The following IFT46 variants were observed in gnomAD, a reference collection of about 807,000 sequenced individuals.
IFT46 encodes intraflagellar transport protein 46 homolog.
A neutral mutation model predicts 39.6 loss-of-function variants in IFT46; 19 were observed. The observed-to-expected ratio is 0.48, with a 90% confidence interval of 0.33 to 0.70. The LOEUF (loss-of-function observed/expected upper bound fraction) is 0.70, where lower values mean the gene tolerates loss of function less well. IFT46 is among the 30% of genes least tolerant of loss of function. IFT46 has a pLI of 0.01. For missense variants in IFT46, 334 were observed against 364.8 expected, an observed-to-expected ratio of 0.92 and a Z score of 0.69; for synonymous variants, 117 against 134.8, an observed-to-expected ratio of 0.87 and a Z score of 0.91.
intron 7 of IFT46, 86 bp from the exon 8 acceptor site, chr11:118,552,421 C>CATT: frequency 6.7e-7 from 1 of 1,497,968 alleles, no homozygotes; most frequent in Admixed American, 1.9e-5. Context: ...GCTGCTGTTT[C>CATT]ATATTCGAGC....
chr11:118,553,609 T>A (rs1555068892), intron 7 of IFT46, among the ~76,000 whole-genome samples: 1 of 152,180 alleles, frequency 6.6e-6, no homozygotes, highest in Non-Finnish European at 1.5e-5. Context: ...GTTCTTCAAA[T>A]GGCTAAACAT....
upstream of IFT46, among the ~76,000 whole-genome samples, chr11:118,570,666 A>G (rs1192011170): frequency 2.0e-5 from 3 of 152,216 alleles, no homozygotes; most frequent in African/African-American, 7.2e-5. Context: ...GCATACAAGA[A>G]ATAACATGAG....
intron 1 of IFT46, chr11:118,572,546 C>G: frequency 6.2e-7 from 1 of 1,611,366 alleles, no homozygotes; most frequent in South Asian, 1.1e-5. Flanking sequence ...ACCGCCCTCA[C>G]CATGGTAAGA....
chr11:118,575,826 T>C (rs1174194276), upstream of IFT46, among the ~76,000 whole-genome samples: 1 of 152,194 alleles, frequency 6.6e-6, no homozygotes, highest in African/African-American at 2.4e-5. Flanking sequence ...CTGTTATTCT[T>C]GTATCTCTCT....
intron 1 of IFT46, chr11:118,572,580 G>T: frequency 6.2e-7 from 1 of 1,601,878 alleles, no homozygotes; most frequent in East Asian, 2.3e-5. Flanking sequence ...CCGAACTCCT[G>T]GGGTCCGAGC....
At chr11:118,555,474 A>G in intron 4 of IFT46, 152 bp from the exon 5 acceptor site, 1 of 606,946 alleles carries the variant, frequency 1.6e-6, no homozygotes, top group Admixed American at 2.9e-5. Flanking sequence ...CTTGCAAGGC[A>G]ACTTTAAGGT....
chr11:118,552,174 T>C (rs1937663252), intron 8 of IFT46, 40 bp downstream of exon 8: 1 of 1,611,208 alleles, frequency 6.2e-7, no homozygotes, highest in Non-Finnish European at 8.5e-7. Context: ...TAGTGAAGGT[T>C]ACTATGTGTT....
chr11:118,554,412 AC>A, intron 7 of IFT46, 46 bp downstream of exon 7: 1 of 1,533,096 alleles, frequency 6.5e-7, no homozygotes, highest in Non-Finnish European at 8.7e-7. Flanking sequence ...GGCCTCCTCC[AC>A]TCTTGGCCCT....
At chr11:118,547,988 C>T (rs1252532038) in intron 9 of IFT46, among the ~76,000 whole-genome samples, 1 of 150,520 alleles carries the variant, frequency 6.6e-6, no homozygotes, top group African/African-American at 2.4e-5. Context: ...CTTCGTGATC[C>T]GCCCGCCTCG....
upstream of IFT46, among the ~76,000 whole-genome samples, chr11:118,566,463 C>A (rs1239481266): frequency 1.3e-5 from 2 of 151,656 alleles, no homozygotes; most frequent in African/African-American, 4.8e-5. Context: ...GAGGCCAAGG[C>A]GGGCGGATCA....
At chr11:118,576,190 T>G, upstream of IFT46, among the ~76,000 whole-genome samples, 1 of 152,052 alleles carries the variant, frequency 6.6e-6, no homozygotes, top group East Asian at 1.9e-4. Flanking sequence ...TAACAATTCA[T>G]GTAGTTAAGT....
Position 118,556,928 on chromosome 11 carries a change from C to G in IFT46, c.163G>C (p.Glu55Gln). 16 of 1,609,206 alleles carry G rather than the reference C, an allele frequency of 9.9e-6. No homozygotes were observed. The highest frequency in any genetic ancestry group is 1.4e-5 in the Non-Finnish European group (16 of 1,177,372). The change falls in exon 4 of 12, where the codon GAG becomes CAG. Residue 55 changes from glutamate to glutamine, a missense_variant. By Grantham distance (29) the Glu-to-Gln change is conservative. Transcript: ENST00000264021. Reference sequence around the variant, plus strand: ...CACCCTTCCAGAGGGGCTCCATGCTCTTCATCATCATCATCAGAATCAGAA... The same window carrying G: ...CACCCTTCCAGAGGGGCTCCATGCTGTTCATCATCATCATCAGAATCAGAA... ...TDSDSDDDDEEHGAPLEGAYD... is the reference protein window; with the variant it reads ...TDSDSDDDDEQHGAPLEGAYD...
rs781944908 is a variant in IFT46 at position 118,544,871 on chromosome 11, G to A, written c.*45C>T. The A allele has an allele frequency of 2.9e-6, 4 of 1,367,316 alleles. No individual in the cohort carries two copies. Among genetic ancestry groups the A allele is most frequent in the Non-Finnish European group, 3.1e-6 (3 of 959,000 alleles). 84.7% of individuals were successfully genotyped at this position (1,367,316 alleles called of 1,614,324 possible). On this transcript the variant is annotated 3_prime_UTR_variant, in exon 12 of 12. Coordinates refer to ENST00000264021, the MANE Select transcript of IFT46 (RefSeq NM_001168618.2). ...CAACGATCTGTCCATCTCAGCTGGG[G>A]CAGAGGGGCCAGCTCAGCCTTGAAA... is the stretch of plus-strand genomic sequence containing the variant.
chr11:118,553,935 GATTAT>G (rs1480848365), intron 7 of IFT46, among the ~76,000 whole-genome samples: 1 of 152,010 alleles, frequency 6.6e-6, no homozygotes, highest in African/African-American at 2.4e-5. Context: ...ACAAAACTGT[GATTAT>G]ATTAAAACTA....
At chr11:118,550,819 G>C (rs1951789673) in intron 9 of IFT46, among the ~76,000 whole-genome samples, 1 of 151,980 alleles carries the variant, frequency 6.6e-6, no homozygotes, top group African/African-American at 2.4e-5. Context: ...ACGAGGTCAG[G>C]AGTTCAAGAC....
intron 4 of IFT46, among the ~76,000 whole-genome samples, chr11:118,556,492 CA>C (rs1232653909): frequency 2.7e-5 from 4 of 148,180 alleles, no homozygotes; most frequent in Non-Finnish European, 6.0e-5. Flanking sequence ...GACTCTGTCT[CA>C]AAAAAAAAAT....
chr11:118,561,567 C>T (rs1555070591), intron 2 of IFT46: 1 of 649,632 alleles, frequency 1.5e-6, no homozygotes, highest in East Asian at 2.7e-5. Flanking sequence ...CAGGAGCAGG[C>T]TGCTGAGAGC....
intron 7 of IFT46, among the ~76,000 whole-genome samples, chr11:118,553,867 G>A (rs1937737113): frequency 6.6e-6 from 1 of 152,040 alleles, no homozygotes; most frequent in South Asian, 2.1e-4. Context: ...AATAGTAATG[G>A]GTATGAAGTT....
chr11:118,560,741 G>A, intron 2 of IFT46: 2 of 677,254 alleles, frequency 3.0e-6, no homozygotes, highest in Admixed American at 4.2e-5. Flanking sequence ...GAGATACCAA[G>A]TGAAATTTAG....
Sources: gnomAD v4.1 joint callset for allele counts (sites outside exome capture counted in the v4.1 genomes callset) on GRCh38, gnomAD v4.1.1 for gene constraint, MANE v1.5 for transcripts, NCBI Gene and HGNC (gene_info 2026-07-23, HGNC 2026-07-21) for gene names.